The following UBE2W variants were observed in gnomAD, a reference collection of about 807,000 sequenced individuals.
The protein encoded by UBE2W is ubiquitin-conjugating enzyme E2 W.
In UBE2W, 18 loss-of-function variants were observed where a neutral mutation model predicts 27.2. The ratio of observed to expected loss-of-function variants is 0.66; its 90% CI spans 0.46 to 0.98. The LOEUF (loss-of-function observed/expected upper bound fraction) is 0.98, where lower values mean the gene tolerates loss of function less well. Ranked by LOEUF, UBE2W falls within the 50% of genes least tolerant of loss-of-function variation. The pLI is 0.00. For synonymous variants in UBE2W, 53 were observed against 57.2 expected (o/e 0.93, Z 0.33); for missense variants, 90 against 180.2 (o/e 0.50, Z 2.87).
intron 4 of UBE2W, among the ~76,000 whole-genome samples, chr8:73,807,216 A>G (rs369629010): frequency 6.6e-6 from 1 of 152,208 alleles, no homozygotes; most frequent in Admixed American, 6.5e-5. Context: ...TAAATATTGT[A>G]TAGTGTATAT....
intron 1 of UBE2W, among the ~76,000 whole-genome samples, chr8:73,835,384 C>T (rs1464103717): frequency 6.6e-6 from 1 of 152,132 alleles, no homozygotes; most frequent in African/African-American, 2.4e-5. Flanking sequence ...CAGAGCTGAT[C>T]TGTGTGACCA....
intron 5 of UBE2W, chr8:73,796,458 T>C (rs1442733012): frequency 1.2e-5 from 2 of 164,368 alleles, no homozygotes; most frequent in East Asian, 1.9e-4. Context: ...GTAGCACAAA[T>C]GCATCTTTAT....
chr8:73,803,571 ACAAT>A (rs1808735600), intron 5 of UBE2W, among the ~76,000 whole-genome samples: 1 of 151,898 alleles, frequency 6.6e-6, no homozygotes, highest in African/African-American at 2.4e-5. Context: ...TCCCACCCCC[ACAAT>A]CATTCACTGG....
At position 73,806,427 on chromosome 8, in the gene UBE2W, C is replaced by T. The variant is rs376808346; in HGVS notation, c.367-701G>A. 2.0e-3 allele frequency among the ~76,000 whole-genome samples: 306 copies of T among 149,528 alleles called. 1 individual carries two copies. Among genetic ancestry groups the T allele is most frequent in the South Asian group, 9.0e-3 (42 of 4,674 alleles). ...AAATAATAAAACAAAGGGCCAGGCG[C>T]GGTGGCTCACGCCTGTAATCCCAGC... On this transcript the variant is annotated intron_variant, in intron 4 of 5. Transcript: ENST00000602593.
intron 3 of UBE2W, among the ~76,000 whole-genome samples, chr8:73,820,345 T>G (rs550627887): frequency 6.6e-6 from 1 of 152,200 alleles, no homozygotes; most frequent in African/African-American, 2.4e-5. Context: ...TTTAAAAAAT[T>G]TTAACGTATT....
chr8:73,803,810 A>G (rs1293840907), intron 5 of UBE2W, among the ~76,000 whole-genome samples: 2 of 143,530 alleles, frequency 1.4e-5, no homozygotes, highest in Non-Finnish European at 3.0e-5. Context: ...TCTGTCGCCC[A>G]GGCTGGAGTG....
At chr8:73,797,800 T>C (rs76292817) in intron 5 of UBE2W, among the ~76,000 whole-genome samples, 3,679 of 152,300 alleles carry the variant, frequency 0.024, 155 homozygotes, top group African/African-American at 0.084. Context: ...ATTGTGCCAA[T>C]TCATTTCCTA....
Position 73,787,665 on chromosome 8 carries a change from GC to G in UBE2W, c.*6436del. On this transcript the variant is annotated 3_prime_UTR_variant, in exon 6 of 6. Transcript: ENST00000602593. The stretch of plus-strand genomic sequence containing the variant: ...GTCAGGAATAACAGATGCTGAGATA[GC>G]CCCTTCTTGTGGTTATTTCTTTCCT... The G allele has an allele frequency of 1.0e-6, 1 of 985,398 alleles. No homozygotes were observed. The highest frequency in any genetic ancestry group is 1.2e-6 in the Non-Finnish European group (1 of 829,946). 61.0% of individuals were successfully genotyped at this position (985,398 alleles called of 1,614,324 possible). A position where few individuals can be genotyped will look rare whatever the true frequency, so the allele number is the denominator to read the frequency against.
At position 73,855,977 on chromosome 8, in the gene UBE2W, T is replaced by C. The variant is rs1320027643; in HGVS notation, c.15+22831A>G. Among the ~76,000 whole-genome samples the C allele has an allele frequency of 3.3e-5, 5 of 152,178 alleles. 1 individual carries two copies. The South Asian group carries it at 6.2e-4, about 19-fold the overall frequency. ...AATTCAATCATGTATCTGTAATTAC[T>C]TTTCTATAGTTTTATACATAGTTTA... On this transcript the variant is annotated intron_variant, in intron 1 of 5. Coordinates refer to ENST00000602593, the MANE Select transcript of UBE2W (RefSeq NM_018299.6).
At chr8:73,828,116 G>A (rs1320868147) in intron 2 of UBE2W, among the ~76,000 whole-genome samples, 1 of 152,002 alleles carries the variant, frequency 6.6e-6, no homozygotes, top group East Asian at 1.9e-4. Flanking sequence ...GATGCAATGA[G>A]ACTACACGTG....
At chr8:73,800,689 T>A (rs1391255970) in intron 5 of UBE2W, among the ~76,000 whole-genome samples, 2 of 152,224 alleles carry the variant, frequency 1.3e-5, no homozygotes, top group Non-Finnish European at 2.9e-5. Flanking sequence ...TTTTGGTACT[T>A]CTCGGCTTAC....
Position 73,786,542 on chromosome 8 carries a change from G to T in UBE2W, c.*7560C>A. ...AGATGACTGGTAGGGAGAGAAGAAA[G>T]GACAAGGATGATAACCTTTCAGCTA... On this transcript the variant is annotated 3_prime_UTR_variant, in exon 6 of 6. Transcript: ENST00000602593. 1 of 985,412 alleles carries T rather than the reference G, an allele frequency of 1.0e-6. No homozygotes were observed. Among genetic ancestry groups the T allele is most frequent in the African/African-American group, 1.7e-5 (1 of 57,348 alleles). 61.0% of individuals were successfully genotyped at this position (985,412 alleles called of 1,614,324 possible). A position where few individuals can be genotyped will look rare whatever the true frequency, so the allele number is the denominator to read the frequency against.
At chr8:73,860,995 G>A (rs538088048) in intron 1 of UBE2W, among the ~76,000 whole-genome samples, 1 of 152,100 alleles carries the variant, frequency 6.6e-6, no homozygotes, top group Admixed American at 6.6e-5. Flanking sequence ...GCATGTACCT[G>A]TAGTCCTAGC....
At chr8:73,805,472 C>CAAACAAAAAAAACAAAACAAAACAAA (rs1254739442) in intron 5 of UBE2W, among the ~76,000 whole-genome samples, 179 bp downstream of exon 5, 2 of 43,676 alleles carry the variant, frequency 4.6e-5, no homozygotes, top group Non-Finnish European at 9.9e-5. Flanking sequence ...AAAAAAAAAA[C>CAAACAAAAAAAACAAAACAAAACAAA]AAAAAAAACT....
At chr8:73,784,175 T>C (rs1344439909), downstream of UBE2W, among the ~76,000 whole-genome samples, 2 of 152,184 alleles carry the variant, frequency 1.3e-5, no homozygotes, top group East Asian at 3.9e-4. Flanking sequence ...ACCTGGCAAA[T>C]ACTCATCCTG....
chr8:73,878,716 G>T (rs916867741), intron 1 of UBE2W, 92 bp downstream of exon 1: 1 of 1,175,550 alleles, frequency 8.5e-7, no homozygotes, highest in African/African-American at 1.5e-5. Flanking sequence ...ACCCGCCCGG[G>T]TGTCCCCGAA....
intron 1 of UBE2W, among the ~76,000 whole-genome samples, chr8:73,836,972 A>C (rs533688636): frequency 1.2e-4 from 19 of 152,356 alleles, no homozygotes; most frequent in African/African-American, 4.6e-4. Context: ...AGGACATGAG[A>C]AATTAGGTTC....
chr8:73,791,249 AATCC>A lies in UBE2W; in HGVS notation c.*2849_*2852del. The A allele has an allele frequency of 1.0e-6, 1 of 983,422 alleles. No homozygotes were observed. The highest frequency in any genetic ancestry group is 1.2e-6 in the Non-Finnish European group (1 of 829,490). 60.9% of individuals were successfully genotyped at this position (983,422 alleles called of 1,614,324 possible). A position where few individuals can be genotyped will look rare whatever the true frequency, so the allele number is the denominator to read the frequency against. ...TCCTTCTCTCTAAACCTATGGCATT[AATCC>A]CTACTTGACCAAAGAAAAAAAAAAA... On this transcript the variant is annotated 3_prime_UTR_variant, in exon 6 of 6. Transcript: ENST00000602593.
At chr8:73,783,773 T>C (rs1807886148), downstream of UBE2W, among the ~76,000 whole-genome samples, 1 of 152,162 alleles carries the variant, frequency 6.6e-6, no homozygotes, top group Admixed American at 6.5e-5. Context: ...AACATGGTTT[T>C]TGTTTTTGAG....
Sources: gnomAD v4.1 joint callset for allele counts (sites outside exome capture counted in the v4.1 genomes callset) on GRCh38, gnomAD v4.1.1 for gene constraint, MANE v1.5 for transcripts, NCBI Gene and HGNC (gene_info 2026-07-23, HGNC 2026-07-21) for gene names.